PACRG: variants seen among roughly 807,000 people sequenced by gnomAD.
PACRG encodes parkin coregulated, also known as parkin coregulated gene protein.
PACRG carries 29 observed loss-of-function variants against 29.7 expected under a neutral mutation model. The observed-to-expected ratio is 0.98, with a 90% CI of 0.73 to 1.33. PACRG has a LOEUF of 1.33. Ranked by LOEUF, PACRG falls within the 40% of genes most tolerant of loss-of-function variation. The pLI is 0.00. For synonymous variants in PACRG, 116 were observed against 118.7 expected (o/e 0.98, Z 0.15); for missense variants, 279 against 316.2 (o/e 0.88, Z 0.89).
At chr6:163,103,019 A>G (rs1001316989) in intron 4 of PACRG, among the ~76,000 whole-genome samples, 2 of 152,196 alleles carry the variant, frequency 1.3e-5, no homozygotes, top group Admixed American at 6.5e-5. Flanking sequence ...TATTTGCTGA[A>G]TGGGTGGATG....
chr6:162,998,675 A>G (rs905177846), intron 2 of PACRG, among the ~76,000 whole-genome samples: 3 of 152,178 alleles, frequency 2.0e-5, no homozygotes, highest in African/African-American at 7.2e-5. Flanking sequence ...TTCATAGTCA[A>G]ATCTGACCAC....
At chr6:163,211,029 T>G (rs1357417484) in intron 4 of PACRG, among the ~76,000 whole-genome samples, 1 of 152,224 alleles carries the variant, frequency 6.6e-6, no homozygotes, top group African/African-American at 2.4e-5. Context: ...GGAGCCTTAT[T>G]TGACAATACT....
At chr6:162,993,020 G>A (rs1199617690) in intron 2 of PACRG, among the ~76,000 whole-genome samples, 2 of 147,042 alleles carry the variant, frequency 1.4e-5, no homozygotes, top group African/African-American at 2.5e-5. Context: ...TTCAGGAGCA[G>A]GTTGTTCAGT....
chr6:163,034,280 G>A (rs572236238), intron 2 of PACRG, among the ~76,000 whole-genome samples: 30 of 152,246 alleles, frequency 2.0e-4, no homozygotes, highest in Admixed American at 9.2e-4. Context: ...CCACAATCCC[G>A]TACATGCCTA....
chr6:162,727,885 A>T, upstream of PACRG: 1 of 596,744 alleles, frequency 1.7e-6, no homozygotes, highest in East Asian at 2.9e-5. Flanking sequence ...TCCTGCCCCC[A>T]GCCCCCCACC....
At chr6:162,800,344 A>G (rs1407143483) in intron 1 of PACRG, among the ~76,000 whole-genome samples, 1 of 152,192 alleles carries the variant, frequency 6.6e-6, no homozygotes, top group Non-Finnish European at 1.5e-5. Flanking sequence ...ACTGCTGCCT[A>G]TTATTTTAAA....
intron 2 of PACRG, among the ~76,000 whole-genome samples, chr6:162,996,025 T>A (rs914238280): frequency 6.6e-6 from 1 of 152,184 alleles, no homozygotes; most frequent in Non-Finnish European, 1.5e-5. Flanking sequence ...GCAAGAAGAA[T>A]AATTTCTGGA....
chr6:162,910,991 A>G (rs1315202630), intron 2 of PACRG, among the ~76,000 whole-genome samples: 1 of 152,216 alleles, frequency 6.6e-6, no homozygotes, highest in Non-Finnish European at 1.5e-5. Context: ...TAGACTTTGT[A>G]TTAAAGGACA....
At chr6:163,202,410 CATATATGTGT>C (rs1224293904) in intron 4 of PACRG, among the ~76,000 whole-genome samples, 1 of 151,722 alleles carries the variant, frequency 6.6e-6, no homozygotes, top group East Asian at 1.9e-4. Flanking sequence ...TGTGGGGGTG[CATATATGTGT>C]ATATATGTGT....
intron 4 of PACRG, among the ~76,000 whole-genome samples, chr6:163,122,182 T>C (rs1816310353): frequency 6.6e-6 from 1 of 152,120 alleles, no homozygotes; most frequent in South Asian, 2.1e-4. Context: ...AATGTTTAGA[T>C]AATATCTTGA....
At chr6:163,054,256 G>C (rs1810323466) in intron 2 of PACRG, 1 of 152,174 alleles carries the variant, frequency 6.6e-6, no homozygotes, top group Non-Finnish European at 1.5e-5. Flanking sequence ...CCTTAACCCA[G>C]TAGGCCCATT....
intron 4 of PACRG, among the ~76,000 whole-genome samples, chr6:163,129,173 G>A (rs1816632044): frequency 6.6e-6 from 1 of 152,182 alleles, no homozygotes; most frequent in South Asian, 2.1e-4. Flanking sequence ...TTCCTTAAAT[G>A]AGAATGGGGG....
At position 163,102,039 on chromosome 6, in the gene PACRG, C is replaced by T. The variant is rs1031793220; in HGVS notation, c.613+12631C>T. 2.6e-5 allele frequency among the ~76,000 whole-genome samples: 4 copies of T among 152,182 alleles called. No individual in the cohort carries two copies. The East Asian group carries it at 5.8e-4, about 22-fold the overall frequency. On this transcript the variant is annotated intron_variant, in intron 4 of 4. Transcript: ENST00000366888. ...CAGTCATTTTCAATTTACCAAATCC[C>T]TCAAAGACTTCCCCAGAGCCTCGCC...
chr6:162,965,991 A>G (rs542967412), intron 2 of PACRG, among the ~76,000 whole-genome samples: 6 of 152,226 alleles, frequency 3.9e-5, no homozygotes, highest in Non-Finnish European at 7.3e-5. Context: ...CGATACACCA[A>G]TGTGGATGGT....
chr6:163,118,898 C>T lies in PACRG; in HGVS notation c.613+29490C>T, dbSNP rs773910639. On this transcript the variant is annotated intron_variant, in intron 4 of 4. Transcript: ENST00000366888. ...GGGAAGTGACCCTTGCATAGAGACTCGGAAAAACTCTGAAAACAGAACACA... is the reference window on the plus strand; with the variant it reads ...GGGAAGTGACCCTTGCATAGAGACTTGGAAAAACTCTGAAAACAGAACACA... 3.9e-4 allele frequency among the ~76,000 whole-genome samples: 59 copies of T among 152,164 alleles called. 1 individual carries two copies. The highest frequency in any genetic ancestry group is 7.6e-4 in the Non-Finnish European group (52 of 68,020).
chr6:163,250,378 G>A (rs539477931), intron 4 of PACRG, among the ~76,000 whole-genome samples: 8 of 152,350 alleles, frequency 5.3e-5, no homozygotes, highest in African/African-American at 1.4e-4. Flanking sequence ...TGAAATGCTC[G>A]GGGGCCCCAT....
intron 4 of PACRG, among the ~76,000 whole-genome samples, chr6:163,201,812 C>T (rs1353017370): frequency 6.6e-6 from 1 of 152,170 alleles, no homozygotes; most frequent in African/African-American, 2.4e-5. Flanking sequence ...TAGGTGACCT[C>T]GAGGGCCATT....
At chr6:162,825,114 T>C (rs1341346773) in intron 2 of PACRG, among the ~76,000 whole-genome samples, 1 of 152,196 alleles carries the variant, frequency 6.6e-6, no homozygotes, top group Non-Finnish European at 1.5e-5. Flanking sequence ...ACCTTTAAAA[T>C]GACCTTTAGG....
At chr6:162,931,906 G>T (rs906710918) in intron 2 of PACRG, among the ~76,000 whole-genome samples, 1 of 151,906 alleles carries the variant, frequency 6.6e-6, no homozygotes, top group East Asian at 1.9e-4. Context: ...TCACTTCTAG[G>T]CATTTATCCA....
Sources: gnomAD v4.1 joint callset for allele counts (sites outside exome capture counted in the v4.1 genomes callset) on GRCh38, gnomAD v4.1.1 for gene constraint, MANE v1.5 for transcripts, NCBI Gene and HGNC (gene_info 2026-07-23, HGNC 2026-07-21) for gene names.